SMIM13: variants seen among roughly 807,000 people sequenced by gnomAD.
SMIM13 encodes UPF0766 protein C6orf228.
Under a neutral mutation model 5.9 loss-of-function variants are expected in SMIM13, and 3 were observed. The ratio of observed to expected loss-of-function variants is 0.51; its 90% CI spans 0.23 to 1.31. SMIM13 has a LOEUF of 1.31. Among genes scored for constraint, SMIM13 ranks in the 40% most tolerant of loss-of-function variants. The probability of loss-of-function intolerance (pLI) is 0.18; values close to 1 mark genes in which losing one functional copy is unlikely to be tolerated. For missense variants in SMIM13, 85 were observed against 109.9 expected (o/e 0.77, Z 1.01); for synonymous variants, 55 against 46.0 (o/e 1.19, Z -0.79).
intron 1 of SMIM13, among the ~76,000 whole-genome samples, chr6:11,130,176 A>C (rs1350411091): frequency 4.6e-5 from 7 of 151,230 alleles, no homozygotes; most frequent in African/African-American, 1.5e-4. Context: ...AATTTAGTGA[A>C]TTTACTGCAA....
At chr6:11,131,199 G>A (rs1185333742) in intron 1 of SMIM13, among the ~76,000 whole-genome samples, 4 of 152,044 alleles carry the variant, frequency 2.6e-5, no homozygotes, top group African/African-American at 7.2e-5. Flanking sequence ...TGGCATTGAG[G>A]TATTTACAAA....
At chr6:11,100,661 A>C (rs541335341) in intron 1 of SMIM13, among the ~76,000 whole-genome samples, 1 of 152,042 alleles carries the variant, frequency 6.6e-6, no homozygotes, top group East Asian at 1.9e-4. Context: ...TTTTTTTTTG[A>C]GCTAATGCAT....
intron 1 of SMIM13, among the ~76,000 whole-genome samples, chr6:11,110,279 T>C (rs180956237): frequency 1.3e-5 from 2 of 152,286 alleles, no homozygotes; most frequent in East Asian, 1.9e-4. Flanking sequence ...GTAATCTGTT[T>C]TGTGTTTGTA....
intron 1 of SMIM13, among the ~76,000 whole-genome samples, chr6:11,123,051 T>G (rs997762295): frequency 6.6e-6 from 1 of 152,006 alleles, no homozygotes; most frequent in African/African-American, 2.4e-5. Flanking sequence ...CTACAGTAAA[T>G]AAATAAAAAC....
chr6:11,124,232 A>G (rs1232964751), intron 1 of SMIM13, among the ~76,000 whole-genome samples: 1 of 152,230 alleles, frequency 6.6e-6, no homozygotes, highest in African/African-American at 2.4e-5. Flanking sequence ...GCTCCTACAA[A>G]TAAGTGAGAA....
At chr6:11,108,990 A>G (rs1581914105) in intron 1 of SMIM13, among the ~76,000 whole-genome samples, 1 of 152,100 alleles carries the variant, frequency 6.6e-6, no homozygotes, top group African/African-American at 2.4e-5. Context: ...CATTCCTTCT[A>G]TCAGATAGAG....
chr6:11,105,049 G>C (rs1250840939), intron 1 of SMIM13: 1 of 1,614,156 alleles, frequency 6.2e-7, no homozygotes. Flanking sequence ...CTATTTGCAG[G>C]CCTCATCAGT....
intron 1 of SMIM13, chr6:11,104,611 G>A (rs754111903): frequency 3.1e-6 from 5 of 1,614,010 alleles, no homozygotes; most frequent in Admixed American, 1.7e-5. Flanking sequence ...AGAGAATTTC[G>A]AGTTTGGTCC....
intron 1 of SMIM13, among the ~76,000 whole-genome samples, chr6:11,114,482 CCT>C (rs999427218): frequency 1.3e-4 from 20 of 149,550 alleles, no homozygotes; most frequent in African/African-American, 4.9e-4. Context: ...GAAAACTTCC[CCT>C]CTGTTTCTAC....
chr6:11,106,210 G>A (rs1758080467), intron 1 of SMIM13, among the ~76,000 whole-genome samples: 1 of 152,188 alleles, frequency 6.6e-6, no homozygotes, highest in Non-Finnish European at 1.5e-5. Flanking sequence ...TACCTCCTGT[G>A]CCTTTTCAGT....
At chr6:11,131,277 G>A (rs1561760952) in intron 1 of SMIM13, among the ~76,000 whole-genome samples, 1 of 151,912 alleles carries the variant, frequency 6.6e-6, no homozygotes, top group Non-Finnish European at 1.5e-5. Context: ...AATTACCAAA[G>A]CCATGTTTTG....
Position 11,104,147 on chromosome 6 carries a change from T to A in SMIM13, c.76+9758T>A, listed in dbSNP as rs1024229058. The A allele has an allele frequency of 5.8e-6, 9 of 1,551,744 alleles. No individual in the cohort carries two copies. The Admixed American group carries it at 1.8e-4, about 30-fold the overall frequency. On this transcript the variant is annotated intron_variant, in intron 1 of 1. Transcript: ENST00000416247. Reference sequence around the variant, plus strand: ...TAGCCATGGTGTCAATGTTGTTGGCTATTTCCTTTGAGAGCTGGCTATAGG... The same window carrying A: ...TAGCCATGGTGTCAATGTTGTTGGCAATTTCCTTTGAGAGCTGGCTATAGG...
At position 11,134,578 on chromosome 6, in the gene SMIM13, T is replaced by G. The variant is rs1304756396; in HGVS notation, c.252T>G (p.Asp84Glu). Residue 84 changes from aspartate (D) to glutamate (E), a missense_variant, in exon 2 of 2, where the codon GAT (aspartate) becomes GAG (glutamate). Physicochemically the swap from Asp to Glu is conservative, Grantham distance 45. Transcript: ENST00000416247. ...RSARQRRAPA[D>E]EGHRPLT ...CTCGCCAAAGGAGGGCACCTGCTGATGAAGGCCACAGACCCCTGACATAGT... is the reference window on the plus strand; with the variant it reads ...CTCGCCAAAGGAGGGCACCTGCTGAGGAAGGCCACAGACCCCTGACATAGT... 3 of 1,548,678 alleles carry G rather than the reference T, an allele frequency of 1.9e-6. No individual in the cohort carries two copies. In the East Asian group the frequency reaches 7.3e-5, roughly 38 times the overall value.
intron 1 of SMIM13, among the ~76,000 whole-genome samples, chr6:11,120,988 C>T (rs1758300618): frequency 6.6e-6 from 1 of 152,180 alleles, no homozygotes; most frequent in African/African-American, 2.4e-5. Flanking sequence ...GCATGTTTAT[C>T]TTACATAGAA....
chr6:11,109,825 A>G (rs1256297152), intron 1 of SMIM13, among the ~76,000 whole-genome samples: 1 of 152,118 alleles, frequency 6.6e-6, no homozygotes, highest in East Asian at 1.9e-4. Flanking sequence ...TGTGGTACAG[A>G]GACTTGATTA....
chr6:11,104,182 C>G (rs1561752447), intron 1 of SMIM13: 4 of 1,551,716 alleles, frequency 2.6e-6, no homozygotes. Flanking sequence ...GTGAGGGAAG[C>G]TTTTGTGATT....
chr6:11,124,615 G>A (rs1758352395), intron 1 of SMIM13, among the ~76,000 whole-genome samples: 1 of 152,010 alleles, frequency 6.6e-6, no homozygotes, highest in South Asian at 2.1e-4. Flanking sequence ...ACTAATTTAT[G>A]TACACAGTGT....
chr6:11,106,481 T>C (rs1758085274), intron 1 of SMIM13, among the ~76,000 whole-genome samples: 1 of 152,258 alleles, frequency 6.6e-6, no homozygotes, highest in African/African-American at 2.4e-5. Context: ...TTTACAAATT[T>C]GCCTTAGACT....
chr6:11,111,779 C>T (rs781059097), intron 1 of SMIM13: 2 of 152,220 alleles, frequency 1.3e-5, no homozygotes, highest in Non-Finnish European at 2.9e-5. Flanking sequence ...CCGGGGTTTC[C>T]ATTTCTCCTC....
Sources: allele counts gnomAD v4.1 joint callset (sites outside exome capture counted in the v4.1 genomes callset), GRCh38; gene constraint gnomAD v4.1.1; transcripts MANE v1.5; gene names NCBI Gene and HGNC (gene_info 2026-07-23, HGNC 2026-07-21).